AIMP2: variants seen among roughly 807,000 people sequenced by gnomAD.
AIMP2 encodes the protein aminoacyl tRNA synthetase complex interacting multifunctional protein 2.
A neutral mutation model predicts 23.4 loss-of-function variants in AIMP2; 20 were observed. The observed-to-expected ratio is 0.85, with a 90% CI of 0.60 to 1.24. The LOEUF is 1.24. AIMP2 is among the 50% of genes most tolerant of loss of function. The pLI, the probability that AIMP2 is intolerant of heterozygous loss-of-function variation, is 0.00. For synonymous variants in AIMP2, 210 were observed against 170.4 expected (o/e 1.23, Z -1.81); for missense variants, 515 against 414.5 (o/e 1.24, Z -2.10).
rs1201012831 is a variant in AIMP2, at chr7:6,009,288, G to A, written c.-76G>A. 6 of 1,608,302 alleles carry A rather than the reference G, an allele frequency of 3.7e-6. No individual in the cohort carries two copies. The highest frequency in any genetic ancestry group is 5.1e-6 in the Non-Finnish European group (6 of 1,178,006). Reference sequence around the variant, plus strand: ...AGCAGGGTCAGAAGGGAGGTGGCCGGTCTCCGTCGTGACCTCTGACGGTTT... The same window carrying A: ...AGCAGGGTCAGAAGGGAGGTGGCCGATCTCCGTCGTGACCTCTGACGGTTT... On this transcript the variant is annotated 5_prime_UTR_variant, in exon 1 of 4. Coordinates refer to ENST00000223029, the MANE Select transcript of AIMP2 (RefSeq NM_006303.4).
chr7:6,014,866 C>T (rs551808128), intron 1 of AIMP2: 7 of 395,170 alleles, frequency 1.8e-5, no homozygotes, highest in East Asian at 7.2e-5. Context: ...ATTACAGTTG[C>T]GTGCCACCAT....
intron 3 of AIMP2, among the ~76,000 whole-genome samples, chr7:6,021,424 G>GT (rs1787408981): frequency 6.6e-6 from 1 of 151,074 alleles, no homozygotes. Context: ...GGCCATCATC[G>GT]TATAAAAAGC....
At chr7:6,012,924 C>G in intron 1 of AIMP2, 2 of 989,104 alleles carry the variant, frequency 2.0e-6, no homozygotes, top group South Asian at 4.5e-5. Flanking sequence ...ATTTCTCTGA[C>G]GTTTGATCTT....
chr7:6,013,044 A>G, intron 1 of AIMP2: 3 of 865,730 alleles, frequency 3.5e-6, no homozygotes, highest in South Asian at 5.3e-5. Flanking sequence ...TGGAGGGAAC[A>G]GCACATGTGA....
intron 3 of AIMP2, among the ~76,000 whole-genome samples, chr7:6,018,336 G>C (rs1787162389): frequency 1.3e-5 from 2 of 150,312 alleles, no homozygotes; most frequent in African/African-American, 4.9e-5. Context: ...TTTTAGTAGA[G>C]ACGGGGTTTC....
chr7:6,018,055 CG>C lies in AIMP2; in HGVS notation c.574+13del. 1 of 1,603,764 alleles carries C rather than the reference CG, an allele frequency of 6.2e-7. No homozygotes were observed. The highest frequency in any genetic ancestry group is 8.5e-7 in the Non-Finnish European group (1 of 1,172,914). On this transcript the variant is annotated intron_variant, in intron 3 of 3. Transcript: ENST00000223029. ...TTAATTTGGAAGAATGGTAAGTAGACGGGACTGAGTTCAACTTACACACAGC... is the reference window on the plus strand; with the variant it reads ...TTAATTTGGAAGAATGGTAAGTAGACGGACTGAGTTCAACTTACACACAGC...
intron 1 of AIMP2, among the ~76,000 whole-genome samples, chr7:6,012,083 T>C (rs1006557287): frequency 6.6e-6 from 1 of 152,040 alleles, no homozygotes; most frequent in East Asian, 1.9e-4. Flanking sequence ...TGAAACCCCA[T>C]TGTTACAAAA....
At chr7:6,020,336 G>T (rs1018647684) in intron 3 of AIMP2, among the ~76,000 whole-genome samples, 1 of 151,910 alleles carries the variant, frequency 6.6e-6, no homozygotes, top group Non-Finnish European at 1.5e-5. Context: ...CAGGAGAATC[G>T]CTTGAACCCA....
At position 6,009,489 on chromosome 7, in the gene AIMP2, C is replaced by T. The variant is rs1448273730; in HGVS notation, c.126C>T (p.Gly42=). The T allele has an allele frequency of 6.4e-7, 1 of 1,561,182 alleles. No individual in the cohort carries two copies. The highest frequency in any genetic ancestry group is 8.6e-7 in the Non-Finnish European group (1 of 1,158,358). Residue 42 remains glycine (G), a synonymous_variant, in exon 1 of 4, where the codon GGC becomes GGT. Coordinates refer to ENST00000223029, the MANE Select transcript of AIMP2 (RefSeq NM_006303.4). Reference sequence around the variant, plus strand: ...GCTACGGCCCAGCGCCGGGCGCTGGCCACGTGCAGGTAGGAGCGCGGGGCC... The same window carrying T: ...GCTACGGCCCAGCGCCGGGCGCTGGTCACGTGCAGGTAGGAGCGCGGGGCC... ...GRSYGPAPGA[G]HVQEESNLSL... is the part of the protein sequence containing the mutation.
intron 1 of AIMP2, among the ~76,000 whole-genome samples, chr7:6,009,974 A>AAAAAATATACATATAT: frequency 3.7e-5 from 1 of 26,674 alleles, no homozygotes; most frequent in African/African-American, 1.4e-4. Flanking sequence ...AAAAAAAAAA[A>AAAAAATATACATATAT]ATATATATAT....
chr7:6,021,366 C>A (rs1787404253), intron 3 of AIMP2, among the ~76,000 whole-genome samples: 1 of 148,712 alleles, frequency 6.7e-6, no homozygotes, highest in Non-Finnish European at 1.5e-5. Context: ...AAAAGAGAAC[C>A]CTGATTAGAA....
chr7:6,009,974 A>AAATATACATATATATATATATATAT lies in AIMP2; in HGVS notation c.135+477_135+478insATATACATATATATATATATATATA. Among the ~76,000 whole-genome samples the AAATATACATATATATATATATATAT allele has an allele frequency of 1.2e-3, 32 of 26,672 alleles. 4 individuals carry two copies. Among genetic ancestry groups the AAATATACATATATATATATATATAT allele is most frequent in the African/African-American group, 3.1e-3 (22 of 7,146 alleles). The allele number at this position is 26,672 out of a possible 152,430, so 17.5% of individuals were successfully genotyped here. On this transcript the variant is annotated intron_variant, in intron 1 of 3. Coordinates refer to ENST00000223029, the MANE Select transcript of AIMP2 (RefSeq NM_006303.4). ...CAAAAAAAAAAAAAAAAAAAAAAAAAATATATATATATATATATGTATGTA... is the reference window on the plus strand; with the variant it reads ...CAAAAAAAAAAAAAAAAAAAAAAAAAAATATACATATATATATATATATATATATATATATATATATATGTATGTA...
Position 6,017,856 on chromosome 7 carries a change from GCCTCC to G in AIMP2, c.395_399del (p.Pro132LeufsTer11). Reference sequence around the variant, plus strand: ...AGACATCGTGATCAACGCAAACCCGGCCTCCCCTCCCCTCTCCCTGCTTGTGCTGC... The same window carrying G: ...AGACATCGTGATCAACGCAAACCCGGCCTCCCCTCTCCCTGCTTGTGCTGC... On this transcript the variant is annotated frameshift_variant, in exon 3 of 4. Transcript: ENST00000223029. LOFTEE classifies it high-confidence loss of function. The G allele has an allele frequency of 6.2e-7, 1 of 1,614,032 alleles. No homozygotes were observed. Among genetic ancestry groups the G allele is most frequent in the South Asian group, 1.1e-5 (1 of 91,080 alleles).
rs1174764120 is a variant in AIMP2 at position 6,009,278 on chromosome 7, G to T, written c.-86G>T. ...GAACGCCCGCAGCAGGGTCAGAAGG[G>T]AGGTGGCCGGTCTCCGTCGTGACCT... On this transcript the variant is annotated 5_prime_UTR_variant, in exon 1 of 4. Transcript: ENST00000223029. The T allele has an allele frequency of 2.5e-6, 4 of 1,604,052 alleles. No individual in the cohort carries two copies. Among genetic ancestry groups the T allele is most frequent in the Non-Finnish European group, 3.4e-6 (4 of 1,174,714 alleles).
chr7:6,009,607 C>A, intron 1 of AIMP2, 109 bp downstream of exon 1: 1 of 988,076 alleles, frequency 1.0e-6, no homozygotes, highest in East Asian at 3.4e-5. Context: ...GGCCCCACCC[C>A]GGCATCTGTG....
At chr7:6,019,165 G>A (rs767463189) in intron 3 of AIMP2, among the ~76,000 whole-genome samples, 4 of 151,994 alleles carry the variant, frequency 2.6e-5, no homozygotes, top group East Asian at 3.9e-4. Context: ...ACCCTGTGAC[G>A]CTAATCATCT....
chr7:6,014,421 C>T (rs1786888711), intron 1 of AIMP2, among the ~76,000 whole-genome samples: 1 of 151,772 alleles, frequency 6.6e-6, no homozygotes. Flanking sequence ...CCACACCTGG[C>T]TTATTTTTGT....
chr7:6,016,853 G>C (rs3779109), intron 2 of AIMP2: 32,819 of 153,332 alleles, frequency 0.21, 3,829 homozygotes, highest in East Asian at 0.41. Context: ...GAATAAGAAA[G>C]TCTTTATCTA....
rs745514065 is a variant in AIMP2, at chr7:6,014,943, C to T, written c.136-203C>T. ...CCATGTTGGCCAGGCTGGTCTTGAA[C>T]TCCTGACGTCAGATGATCTGCCTAC... On this transcript the variant is annotated intron_variant, in intron 1 of 3. Coordinates refer to ENST00000223029, the MANE Select transcript of AIMP2 (RefSeq NM_006303.4). The T allele has an allele frequency of 5.2e-5, 61 of 1,177,148 alleles. No individual in the cohort carries two copies. The Middle Eastern group carries it at 1.3e-3, about 25-fold the overall frequency. The allele number at this position is 1,177,148 out of a possible 1,614,324, so 72.9% of individuals were successfully genotyped here.
Sources: allele counts gnomAD v4.1 joint callset (sites outside exome capture counted in the v4.1 genomes callset), GRCh38; gene constraint gnomAD v4.1.1; transcripts MANE v1.5; gene names NCBI Gene and HGNC (gene_info 2026-07-23, HGNC 2026-07-21).